Variants in SLC4A4 observed in about 807,000 individuals in gnomAD.
The protein encoded by SLC4A4 is electrogenic sodium bicarbonate cotransporter 1.
SLC4A4 carries 27 observed loss-of-function variants against 111.5 expected under a neutral mutation model. The observed-to-expected ratio is 0.24, with a 90% CI of 0.18 to 0.33. SLC4A4 has a LOEUF of 0.33. Ranked by LOEUF, SLC4A4 falls within the 10% of genes least tolerant of loss-of-function variation. The pLI is 1.00. For missense variants in SLC4A4, 909 were observed against 1,315.5 expected, an observed-to-expected ratio of 0.69 and a Z score of 4.78; for synonymous variants, 443 against 463.4, an observed-to-expected ratio of 0.96 and a Z score of 0.57.
chr4:71,242,425 A>G (rs1720317572), intron 2 of SLC4A4, among the ~76,000 whole-genome samples: 1 of 152,198 alleles, frequency 6.6e-6, no homozygotes, highest in South Asian at 2.1e-4. Flanking sequence ...GAGAATAAAA[A>G]TTTAAAACTT....
In SLC4A4 at chr4:71,089,112, C is replaced by A. The variant is rs181055475; in HGVS notation, c.-64-3618C>A. On this transcript the variant is annotated intron_variant, in intron 1 of 26. Transcript: ENST00000649996. ...GAGGCTTTCTTCATTTCCTTTTATT[C>A]TTTTTTCTCTAAACTTCTCACTTCA... Among the ~76,000 whole-genome samples the A allele has an allele frequency of 4.6e-5, 7 of 152,040 alleles. No individual in the cohort carries two copies. In the East Asian group the frequency reaches 1.4e-3, roughly 29 times the overall value.
chr4:71,418,889 T>C (rs1473133596), intron 7 of SLC4A4, among the ~76,000 whole-genome samples: 6 of 152,224 alleles, frequency 3.9e-5, no homozygotes, highest in African/African-American at 1.4e-4. Context: ...GTCCTTTCTC[T>C]TTGTTAGTTT....
intron 1 of SLC4A4, among the ~76,000 whole-genome samples, chr4:71,234,543 A>G (rs1719668743): frequency 6.6e-6 from 1 of 152,180 alleles, no homozygotes; most frequent in South Asian, 2.1e-4. Context: ...CTCCTGCCTC[A>G]GCCTCCCGAG....
At chr4:71,560,058 G>T in intron 22 of SLC4A4, 35 bp from the exon 23 acceptor site, 1 of 1,527,408 alleles carries the variant, frequency 6.5e-7, no homozygotes. Context: ...CATCTGACAT[G>T]GTTTCTTTCA....
chr4:71,540,411 A>C (rs889645778), intron 18 of SLC4A4, among the ~76,000 whole-genome samples: 3 of 152,228 alleles, frequency 2.0e-5, no homozygotes, highest in Non-Finnish European at 4.4e-5. Context: ...TTTCAAAAGG[A>C]AATAAAGTTT....
At chr4:71,493,748 TC>T (rs33923620) in intron 15 of SLC4A4, among the ~76,000 whole-genome samples, 88,229 of 150,808 alleles carry the variant, frequency 0.59, 28,540 homozygotes, top group Non-Finnish European at 0.74. Flanking sequence ...TTCCTTTTCA[TC>T]CCCCTAACCA....
chr4:71,340,798 A>ATATAT (rs59236889), intron 4 of SLC4A4, among the ~76,000 whole-genome samples: 8,295 of 152,158 alleles, frequency 0.055, 560 homozygotes, highest in African/African-American at 0.15. Flanking sequence ...TATATAAAAC[A>ATATAT]TATATGTAAA....
At chr4:71,326,008 A>G (rs1727473239) in intron 3 of SLC4A4, among the ~76,000 whole-genome samples, 2 of 151,810 alleles carry the variant, frequency 1.3e-5, no homozygotes, top group South Asian at 2.1e-4. Flanking sequence ...TATATATTTA[A>G]GTGTGTTTTT....
intron 2 of SLC4A4, among the ~76,000 whole-genome samples, chr4:71,124,517 C>T (rs1015635345): frequency 6.6e-6 from 1 of 152,132 alleles, no homozygotes; most frequent in Non-Finnish European, 1.5e-5. Flanking sequence ...AAATTTTGTA[C>T]ATTCGTCTTT....
intron 7 of SLC4A4, among the ~76,000 whole-genome samples, chr4:71,422,344 A>C (rs1194919322): frequency 3.3e-4 from 48 of 147,302 alleles, no homozygotes; most frequent in African/African-American, 1.2e-3. Context: ...GGCAATAATC[A>C]ATAGCTTACC....
chr4:71,428,781 A>G (rs557993194), intron 7 of SLC4A4, among the ~76,000 whole-genome samples: 117 of 152,224 alleles, frequency 7.7e-4, no homozygotes, highest in African/African-American at 2.7e-3. Flanking sequence ...AAACAGGTAC[A>G]GATTTGAAGA....
intron 1 of SLC4A4, among the ~76,000 whole-genome samples, chr4:71,074,386 G>A (rs1415685916): frequency 1.3e-5 from 2 of 152,128 alleles, no homozygotes; most frequent in Non-Finnish European, 2.9e-5. Context: ...GACCATTAAA[G>A]TATTTTACTA....
intron 14 of SLC4A4, 160 bp downstream of exon 14, chr4:71,473,130 A>G: frequency 1.2e-6 from 1 of 804,864 alleles, no homozygotes; most frequent in Non-Finnish European, 2.1e-6. Context: ...TCATTGCCTG[A>G]GGTATTTTAG....
At chr4:71,068,372 G>T (rs1265459109) in intron 1 of SLC4A4, among the ~76,000 whole-genome samples, 2 of 151,340 alleles carry the variant, frequency 1.3e-5, no homozygotes, top group African/African-American at 4.9e-5. Context: ...GCCACTGTTT[G>T]TTCAACAAAC....
chr4:71,457,718 C>T (rs1404915137), intron 12 of SLC4A4, among the ~76,000 whole-genome samples: 2 of 152,096 alleles, frequency 1.3e-5, no homozygotes, highest in East Asian at 3.8e-4. Flanking sequence ...CCCTTCATAA[C>T]TAAACTCTCT....
At chr4:71,277,602 CTCTCCTTCCT>C (rs1723175688) in intron 3 of SLC4A4, among the ~76,000 whole-genome samples, 1 of 146,728 alleles carries the variant, frequency 6.8e-6, no homozygotes, top group East Asian at 2.1e-4. Flanking sequence ...CTTTCTCTCT[CTCTCCTTCCT>C]TCCTTCCTTC....
intron 3 of SLC4A4, among the ~76,000 whole-genome samples, chr4:71,318,820 G>GTTTT (rs201579524): frequency 9.7e-5 from 13 of 133,768 alleles, no homozygotes; most frequent in African/African-American, 3.3e-4. Context: ...GAAAAATTAA[G>GTTTT]TTTTTTTTTT....
At chr4:71,547,591 C>T (rs1735645875) in intron 19 of SLC4A4, 57 bp from the exon 20 acceptor site, 2 of 1,396,170 alleles carry the variant, frequency 1.4e-6, no homozygotes, top group Non-Finnish European at 2.0e-6. Flanking sequence ...GGTGAAAAGA[C>T]AAGAGCATGT....
intron 2 of SLC4A4, among the ~76,000 whole-genome samples, chr4:71,099,033 A>G (rs921970569): frequency 2.0e-5 from 3 of 152,280 alleles, no homozygotes; most frequent in Admixed American, 6.5e-5. Flanking sequence ...CTCTACTGAC[A>G]GTATTAGATA....
Sources: gnomAD v4.1 joint callset for allele counts (sites outside exome capture counted in the v4.1 genomes callset) on GRCh38, gnomAD v4.1.1 for gene constraint, MANE v1.5 for transcripts, NCBI Gene and HGNC (gene_info 2026-07-23, HGNC 2026-07-21) for gene names.